PCNX1: variants seen among roughly 807,000 people sequenced by gnomAD.
PCNX1 encodes pecanex 1, also known as pecanex-like protein 1.
A neutral mutation model predicts 242.2 loss-of-function variants in PCNX1; 78 were observed. The observed-to-expected ratio is 0.32, with a 90% CI of 0.27 to 0.39. PCNX1 has a LOEUF of 0.39. PCNX1 is among the 10% of genes least tolerant of loss of function. PCNX1 has a pLI of 1.00. For synonymous variants in PCNX1, 1,024 were observed against 1,032.9 expected, an observed-to-expected ratio of 0.99 and a Z score of 0.17; for missense variants, 2,581 against 2,856.5, an observed-to-expected ratio of 0.90 and a Z score of 2.20.
At chr14:71,019,803 A>G (rs528974805) in intron 12 of PCNX1, among the ~76,000 whole-genome samples, 1 of 152,170 alleles carries the variant, frequency 6.6e-6, no homozygotes, top group South Asian at 2.1e-4. Context: ...ATACATGTGC[A>G]GAATGTGCAG....
At chr14:70,958,898 C>CTTTTTTTTTT (rs56362741) in intron 2 of PCNX1, among the ~76,000 whole-genome samples, 1 of 66,402 alleles carries the variant, frequency 1.5e-5, no homozygotes, top group African/African-American at 6.4e-5. Flanking sequence ...TTTGGGGTTG[C>CTTTTTTTTTT]TTTTTTTTTT....
chr14:70,977,259 C>T lies in PCNX1; in HGVS notation c.922C>T (p.Arg308Cys), dbSNP rs200261097. The change falls in exon 6 of 36, where the codon CGT becomes TGT. Residue 308 changes from arginine to cysteine, a missense_variant. By Grantham distance (180) the Arg-to-Cys change is radical. Around this residue, in one of 9 missense-constraint regions of PCNX1, gnomAD observed 1,204 missense variants for 1,216.7 expected, o/e 0.99. Coordinates refer to ENST00000304743, the MANE Select transcript of PCNX1 (RefSeq NM_014982.3). Reference sequence around the variant, plus strand: ...TGATTTTCCCCTTTATCAGCAAAGACGTGGATTAGATCCAGTTAGTGAGTT... The same window carrying T: ...TGATTTTCCCCTTTATCAGCAAAGATGTGGATTAGATCCAGTTAGTGAGTT... ...LNDFPLYQQR[R>C]GLDPVSELES... 333 of 1,614,012 alleles carry T rather than the reference C, an allele frequency of 2.1e-4. No individual in the cohort carries two copies. The highest frequency in any genetic ancestry group is 1.6e-4 in the Non-Finnish European group (194 of 1,179,974).
intron 1 of PCNX1, among the ~76,000 whole-genome samples, chr14:70,929,017 A>G (rs1415258024): frequency 5.3e-5 from 8 of 152,138 alleles, no homozygotes; most frequent in South Asian, 2.1e-4. Context: ...CACCATTTCT[A>G]TCTATAAAGT....
At chr14:70,992,541 A>G (rs1468054511) in intron 7 of PCNX1, among the ~76,000 whole-genome samples, 1 of 128,778 alleles carries the variant, frequency 7.8e-6, no homozygotes, top group Non-Finnish European at 1.6e-5. Context: ...AGAGACACAT[A>G]GAAAGGTAAC....
intron 2 of PCNX1, among the ~76,000 whole-genome samples, chr14:70,960,574 A>G (rs2058173142): frequency 6.6e-6 from 1 of 152,138 alleles, no homozygotes; most frequent in South Asian, 2.1e-4. Flanking sequence ...TGAATGGGCA[A>G]AAACTGGAAG....
chr14:70,909,634 G>C (rs569977876), intron 1 of PCNX1, among the ~76,000 whole-genome samples: 1 of 152,308 alleles, frequency 6.6e-6, no homozygotes, highest in South Asian at 2.1e-4. Flanking sequence ...TCATGGTTAA[G>C]TCTCTTTGTG....
chr14:71,007,536 T>C (rs924551789), intron 8 of PCNX1, among the ~76,000 whole-genome samples: 2 of 152,196 alleles, frequency 1.3e-5, no homozygotes, highest in Admixed American at 1.3e-4. Flanking sequence ...ATGCATTCTG[T>C]TCTTACTGAG....
At chr14:70,976,660 A>G (rs1163549976) in intron 5 of PCNX1, among the ~76,000 whole-genome samples, 3 of 152,132 alleles carry the variant, frequency 2.0e-5, no homozygotes, top group Non-Finnish European at 4.4e-5. Context: ...AGCGTGAGCC[A>G]CTGCGCCCGG....
rs745349604 is a variant in PCNX1 at position 71,045,432 on chromosome 14, C to T, written c.4018+149C>T. ...GTTTGAAGCCGTTAATGAATCTAGT[C>T]TCTTGCAGGATGCTTTAATTTAGCT... On this transcript the variant is annotated intron_variant, in intron 20 of 35. Transcript: ENST00000304743. The T allele has an allele frequency of 1.4e-4, 84 of 618,052 alleles. 1 individual carries two copies. The highest frequency in any genetic ancestry group is 1.3e-3 in the Admixed American group (39 of 29,856). The allele number at this position is 618,052 out of a possible 1,614,324, so 38.3% of individuals were successfully genotyped here.
intron 6 of PCNX1, among the ~76,000 whole-genome samples, chr14:70,983,015 A>G (rs932646164): frequency 1.3e-5 from 2 of 152,244 alleles, no homozygotes; most frequent in Non-Finnish European, 2.9e-5. Flanking sequence ...CATTATATAA[A>G]CAAAGACAGT....
intron 28 of PCNX1, among the ~76,000 whole-genome samples, chr14:71,077,310 C>A (rs1419999739): frequency 1.3e-5 from 2 of 152,182 alleles, no homozygotes; most frequent in Non-Finnish European, 2.9e-5. Flanking sequence ...ATTCCTACCA[C>A]CACTGCTGCT....
intron 1 of PCNX1, among the ~76,000 whole-genome samples, chr14:70,940,944 G>A (rs1203863275): frequency 2.0e-5 from 3 of 152,084 alleles, no homozygotes; most frequent in Admixed American, 6.6e-5. Flanking sequence ...CATGCATCAC[G>A]TAGTTCTCAT....
chr14:70,957,597 A>G (rs1049775218), intron 2 of PCNX1, among the ~76,000 whole-genome samples: 1 of 152,184 alleles, frequency 6.6e-6, no homozygotes, highest in Non-Finnish European at 1.5e-5. Flanking sequence ...ATGTAAATTA[A>G]TGGTTGTCTA....
At position 70,995,678 on chromosome 14, in the gene PCNX1, A is replaced by C. The variant is rs1415801972; in HGVS notation, c.2445-63A>C. ...GAAATCAGTTTTCTATGTTGACTTC[A>C]TTCTAGGTATTGTTTTCTCTTTTCT... On this transcript the variant is annotated intron_variant, in intron 7 of 35. Coordinates refer to ENST00000304743, the MANE Select transcript of PCNX1 (RefSeq NM_014982.3). 10 of 1,422,502 alleles carry C rather than the reference A, an allele frequency of 7.0e-6. No homozygotes were observed. The East Asian group carries it at 2.3e-4, about 33-fold the overall frequency. 88.1% of individuals were successfully genotyped at this position (1,422,502 alleles called of 1,614,324 possible). A position where few individuals can be genotyped will look rare whatever the true frequency, so the allele number is the denominator to read the frequency against.
chr14:70,944,106 A>G (rs1478128765), intron 1 of PCNX1, among the ~76,000 whole-genome samples: 1 of 152,232 alleles, frequency 6.6e-6, no homozygotes, highest in Non-Finnish European at 1.5e-5. Flanking sequence ...CATCCCATGC[A>G]GAGTCCCCAC....
rs780881413 is a variant in PCNX1, at chr14:71,026,925, T to G, written c.3466+43T>G. ...AAAATTATAGATTACAGTATTACCT[T>G]TATAGATCATGAAGTAATAAACTGA... On this transcript the variant is annotated intron_variant, in intron 15 of 35. Coordinates refer to ENST00000304743, the MANE Select transcript of PCNX1 (RefSeq NM_014982.3). 1.4e-5 allele frequency: 12 copies of G among 841,170 alleles called. No individual in the cohort carries two copies. In the East Asian group the frequency reaches 3.0e-4, roughly 21 times the overall value. The allele number at this position is 841,170 out of a possible 1,614,324, so 52.1% of individuals were successfully genotyped here. A position where few individuals can be genotyped will look rare whatever the true frequency, so the allele number is the denominator to read the frequency against.
intron 9 of PCNX1, among the ~76,000 whole-genome samples, chr14:71,010,553 A>G (rs1566695000): frequency 2.6e-5 from 4 of 152,082 alleles, no homozygotes. Context: ...AAGTCAGGAG[A>G]AGAGCAAATA....
At chr14:71,087,839 G>C (rs2062031156) in intron 28 of PCNX1, among the ~76,000 whole-genome samples, 1 of 152,030 alleles carries the variant, frequency 6.6e-6, no homozygotes. Context: ...AAAATAAAAA[G>C]GTTGAGGGGA....
At chr14:71,026,446 G>A (rs2060246298) in intron 14 of PCNX1, among the ~76,000 whole-genome samples, 158 bp downstream of exon 14, 1 of 152,142 alleles carries the variant, frequency 6.6e-6, no homozygotes, top group Non-Finnish European at 1.5e-5. Context: ...TATTATGAGT[G>A]AATAAAGCTA....
Sources: gnomAD v4.1 joint callset for allele counts (sites outside exome capture counted in the v4.1 genomes callset) on GRCh38, gnomAD v4.1.1 for gene constraint, gnomAD v4.1.1 regional missense constraint, MANE v1.5 for transcripts, NCBI Gene and HGNC (gene_info 2026-07-23, HGNC 2026-07-21) for gene names.